The following YPEL5 variants were observed in gnomAD, a reference collection of about 807,000 sequenced individuals.
YPEL5 encodes yippee like 5.
A neutral mutation model predicts 10.5 loss-of-function variants in YPEL5; 1 was observed. The ratio of observed to expected loss-of-function variants is 0.10; its 90% confidence interval spans 0.03 to 0.45. YPEL5 has a LOEUF of 0.45. YPEL5 is among the 20% of genes least tolerant of loss of function. The pLI, the probability that YPEL5 is intolerant of heterozygous loss-of-function variation, is 0.97. For missense variants in YPEL5, 68 were observed against 159.3 expected (o/e 0.43, Z 3.09); for synonymous variants, 61 against 56.6 (o/e 1.08, Z -0.35).
At chr2:30,153,139 G>A (rs1675888270) in intron 1 of YPEL5, among the ~76,000 whole-genome samples, 1 of 152,116 alleles carries the variant, frequency 6.6e-6, no homozygotes, top group South Asian at 2.1e-4. Context: ...CTGACGTCGT[G>A]ATCCGCCCAC....
intron 1 of YPEL5, among the ~76,000 whole-genome samples, chr2:30,148,738 A>C (rs924361661): frequency 3.9e-5 from 6 of 152,144 alleles, no homozygotes; most frequent in African/African-American, 1.4e-4. Context: ...TCTGTTTTCT[A>C]TTTAAGTAAT....
intron 2 of YPEL5, 143 bp downstream of exon 2, chr2:30,156,935 C>T (rs1676067001): frequency 2.1e-5 from 21 of 1,003,982 alleles, no homozygotes; most frequent in Admixed American, 5.3e-5. Flanking sequence ...CCCACTAGCT[C>T]GTCTTTGATG....
rs141770292 is a variant in YPEL5, at chr2:30,156,593, T to C, written c.-24-35T>C. The C allele has an allele frequency of 5.9e-4, 940 of 1,597,078 alleles. 11 individuals are homozygous for C. In the African/African-American group the frequency reaches 0.011, roughly 19 times the overall value. The stretch of plus-strand genomic sequence containing the variant: ...CAAGTAGGTGCTAACATGATTATTA[T>C]AATGCATTTGTTATCCTTTTCTATT... On this transcript the variant is annotated intron_variant, in intron 1 of 2. Coordinates refer to ENST00000261353, the MANE Select transcript of YPEL5 (RefSeq NM_016061.3).
intron 2 of YPEL5, among the ~76,000 whole-genome samples, chr2:30,157,032 C>T (rs1348029590): frequency 6.6e-6 from 1 of 152,074 alleles, no homozygotes; most frequent in African/African-American, 2.4e-5. Flanking sequence ...TGCCTGTAAT[C>T]CCAGCACTTT....
chr2:30,152,647 G>A (rs1381639032), intron 1 of YPEL5, among the ~76,000 whole-genome samples: 1 of 152,140 alleles, frequency 6.6e-6, no homozygotes, highest in Non-Finnish European at 1.5e-5. Context: ...GAATGCAGTG[G>A]CTTGGCCACT....
chr2:30,148,022 G>C (rs1380445050), intron 1 of YPEL5: 1 of 152,164 alleles, frequency 6.6e-6, no homozygotes, highest in Non-Finnish European at 1.5e-5. Context: ...TCGGGCTGCG[G>C]CCTTCCCTCC....
In YPEL5 at chr2:30,158,993, C is replaced by G. The variant is rs2103523461; in HGVS notation, c.*150C>G. 5.3e-6 allele frequency: 4 copies of G among 756,368 alleles called. No individual in the cohort carries two copies. The East Asian group carries it at 1.1e-4, about 21-fold the overall frequency. The allele number at this position is 756,368 out of a possible 1,614,324, so 46.9% of individuals were successfully genotyped here. ...TCTAAGATGGAACCTTTCTTTCTTTCTTTCTTTTTTTTTAAATTTTGTATT... is the reference window on the plus strand; with the variant it reads ...TCTAAGATGGAACCTTTCTTTCTTTGTTTCTTTTTTTTTAAATTTTGTATT... On this transcript the variant is annotated 3_prime_UTR_variant, in exon 3 of 3. Coordinates refer to ENST00000261353, the MANE Select transcript of YPEL5 (RefSeq NM_016061.3).
intron 1 of YPEL5, among the ~76,000 whole-genome samples, chr2:30,149,250 A>T (rs1675663770): frequency 6.6e-6 from 1 of 152,206 alleles, no homozygotes; most frequent in African/African-American, 2.4e-5. Context: ...TCATCTAACA[A>T]AACAGGAAAA....
intron 2 of YPEL5, among the ~76,000 whole-genome samples, chr2:30,157,403 C>G (rs1676090279): frequency 6.6e-6 from 1 of 152,204 alleles, no homozygotes; most frequent in Non-Finnish European, 1.5e-5. Context: ...ACCCACCTCC[C>G]TTTCTCCACA....
At position 30,159,066 on chromosome 2, in the gene YPEL5, A is replaced by C. The variant is rs1462372653; in HGVS notation, c.*223A>C. The C allele has an allele frequency of 1.9e-6, 1 of 540,014 alleles. No homozygotes were observed. Among genetic ancestry groups the C allele is most frequent in the Non-Finnish European group, 3.3e-6 (1 of 306,036 alleles). The allele number at this position is 540,014 out of a possible 1,614,324, so 33.5% of individuals were successfully genotyped here. ...GAGAGAATATTATGCAGATGCCGTT[A>C]ATTTTTTACCCTATGTTTACATCTT... On this transcript the variant is annotated 3_prime_UTR_variant, in exon 3 of 3. Transcript: ENST00000261353.
intron 1 of YPEL5, among the ~76,000 whole-genome samples, chr2:30,149,486 A>AT (rs1176324845): frequency 1.3e-5 from 2 of 152,232 alleles, no homozygotes; most frequent in Non-Finnish European, 2.9e-5. Flanking sequence ...TCCCATGTAG[A>AT]TTTTTTAATA....
intron 1 of YPEL5, among the ~76,000 whole-genome samples, chr2:30,152,321 G>A (rs1307482972): frequency 6.6e-6 from 1 of 152,212 alleles, no homozygotes; most frequent in Non-Finnish European, 1.5e-5. Flanking sequence ...GAAGTGGTAC[G>A]TATGAATGTA....
intron 1 of YPEL5, among the ~76,000 whole-genome samples, chr2:30,154,162 GA>G (rs1255763127): frequency 6.6e-6 from 1 of 152,206 alleles, no homozygotes; most frequent in Non-Finnish European, 1.5e-5. Flanking sequence ...CCCCTAGCTG[GA>G]GGTTACAAAT....
chr2:30,148,715 CTAAT>C (rs1675637677), intron 1 of YPEL5, among the ~76,000 whole-genome samples: 1 of 152,098 alleles, frequency 6.6e-6, no homozygotes, highest in South Asian at 2.1e-4. Context: ...TTTCTCTAGA[CTAAT>C]TTCCCTTTTC....
intron 1 of YPEL5, chr2:30,148,400 A>G (rs571608983): frequency 6.6e-6 from 1 of 152,318 alleles, no homozygotes; most frequent in African/African-American, 2.4e-5. Flanking sequence ...TTGCATAGCC[A>G]CATATAGAGC....
At chr2:30,154,290 A>G (rs936398247) in intron 1 of YPEL5, among the ~76,000 whole-genome samples, 102 of 152,388 alleles carry the variant, frequency 6.7e-4, no homozygotes, top group African/African-American at 2.2e-3. Context: ...ATTCAGAAAC[A>G]TGACCAAACT....
rs921020705 is a variant in YPEL5, at chr2:30,151,318, TA to T, written c.-25+4267del. ...TTTCCCCTCTTACAGATTCTGTAAT[TA>T]AAAAAAAAAATTCTGTAACAAGGCA... On this transcript the variant is annotated intron_variant, in intron 1 of 2. Coordinates refer to ENST00000261353, the MANE Select transcript of YPEL5 (RefSeq NM_016061.3). 2.4e-4 allele frequency among the ~76,000 whole-genome samples: 35 copies of T among 148,482 alleles called. No homozygotes were observed. The East Asian group carries it at 2.9e-3, about 12-fold the overall frequency.
At chr2:30,154,044 A>G (rs1000474197) in intron 1 of YPEL5, among the ~76,000 whole-genome samples, 4 of 152,242 alleles carry the variant, frequency 2.6e-5, no homozygotes, top group African/African-American at 7.2e-5. Context: ...ACAGTGGTCA[A>G]TGTAGATACA....
At position 30,156,744 on chromosome 2, in the gene YPEL5, C is replaced by T; in HGVS notation, c.93C>T (p.Ile31=). The T allele has an allele frequency of 6.2e-7, 1 of 1,614,170 alleles. No homozygotes were observed. The highest frequency in any genetic ancestry group is 8.5e-7 in the Non-Finnish European group (1 of 1,180,022). The change falls in exon 2 of 3, where the codon ATC becomes ATT. Residue 31 remains isoleucine (I), a synonymous_variant. Coordinates refer to ENST00000261353, the MANE Select transcript of YPEL5 (RefSeq NM_016061.3). The part of the protein sequence containing the change: ...DTILTNRSEL[I]STRFTGATGR... Reference sequence around the variant, plus strand: ...TCCTGACCAACCGCTCAGAACTCATCTCCACTCGTTTCACAGGCGCCACTG... The same window carrying T: ...TCCTGACCAACCGCTCAGAACTCATTTCCACTCGTTTCACAGGCGCCACTG...
Sources: allele counts gnomAD v4.1 joint callset (sites outside exome capture counted in the v4.1 genomes callset), GRCh38; gene constraint gnomAD v4.1.1; transcripts MANE v1.5; gene names NCBI Gene and HGNC (gene_info 2026-07-23, HGNC 2026-07-21).